RAD54B: variants seen among roughly 807,000 people sequenced by gnomAD.
RAD54B encodes RAD54 homolog B, also known as DNA repair and recombination protein RAD54B.
Under a neutral mutation model 95.8 loss-of-function variants are expected in RAD54B, and 78 were observed. That is an observed-to-expected ratio of 0.81 (90% CI 0.68 to 0.98). RAD54B has a LOEUF of 0.98. RAD54B is among the 50% of genes least tolerant of loss of function. RAD54B has a pLI of 0.00. For synonymous variants in RAD54B, 328 were observed against 354.9 expected (o/e 0.92, Z 0.85); for missense variants, 957 against 1,056.6 (o/e 0.91, Z 1.31).
rs1812826284 is a variant in RAD54B, at chr8:94,458,421, T to C, written c.151A>G (p.Asn51Asp). The part of the protein sequence containing the change: ...IKLFEGVAIN[N>D]TFLPSQNDLR... The stretch of plus-strand genomic sequence containing the variant: ...TCATTTTGTGACGGGAGAAAGGTGT[T>C]ATTAATTGCAACACCCTAAAAGAAA... The change falls in exon 3 of 15, where the codon AAC becomes GAC. Residue 51 changes from asparagine (N) to aspartate (D), a missense_variant. By Grantham distance (23) the Asn-to-Asp change is conservative. Coordinates refer to ENST00000336148, the MANE Select transcript of RAD54B (RefSeq NM_012415.3). The C allele has an allele frequency of 1.3e-6, 2 of 1,589,678 alleles. No homozygotes were observed. Among genetic ancestry groups the C allele is most frequent in the East Asian group, 2.3e-5 (1 of 44,064 alleles).
intron 11 of RAD54B, among the ~76,000 whole-genome samples, chr8:94,385,891 G>A (rs191201496): frequency 2.4e-4 from 36 of 152,312 alleles, no homozygotes; most frequent in African/African-American, 8.4e-4. Context: ...GGACCACATG[G>A]TATGTGTGAA....
chr8:94,427,122 TAACAGAGGTG>T (rs1194057999), intron 3 of RAD54B, among the ~76,000 whole-genome samples: 4 of 152,100 alleles, frequency 2.6e-5, no homozygotes, highest in African/African-American at 9.7e-5. Context: ...AAAAACTTTG[TAACAGAGGTG>T]AATTCACACA....
intron 1 of RAD54B, among the ~76,000 whole-genome samples, chr8:94,470,336 C>T (rs1302910848): frequency 2.6e-5 from 4 of 152,150 alleles, no homozygotes; most frequent in Admixed American, 6.5e-5. Flanking sequence ...CAGTGGCTCA[C>T]ACCTGTAATC....
intron 3 of RAD54B, among the ~76,000 whole-genome samples, chr8:94,433,338 G>A (rs1812165041): frequency 6.6e-6 from 1 of 151,864 alleles, no homozygotes; most frequent in Non-Finnish European, 1.5e-5. Flanking sequence ...CACTGGTCAG[G>A]TAAAGTTCAC....
intron 14 of RAD54B, among the ~76,000 whole-genome samples, chr8:94,375,701 CTG>C (rs1208480110): frequency 1.3e-5 from 2 of 152,180 alleles, no homozygotes; most frequent in South Asian, 2.1e-4. Context: ...TGAGGAAACT[CTG>C]TAACAATACG....
chr8:94,442,392 G>A (rs571508286), intron 3 of RAD54B, among the ~76,000 whole-genome samples: 2 of 152,184 alleles, frequency 1.3e-5, no homozygotes, highest in Admixed American at 1.3e-4. Context: ...CTAACATGGT[G>A]AAACCCCGTC....
intron 3 of RAD54B, among the ~76,000 whole-genome samples, chr8:94,437,325 T>C (rs1025825664): frequency 6.6e-6 from 1 of 152,202 alleles, no homozygotes; most frequent in African/African-American, 2.4e-5. Flanking sequence ...ACAAATCCAG[T>C]AGACAGAAAA....
intron 4 of RAD54B, among the ~76,000 whole-genome samples, chr8:94,408,410 T>G (rs1473083714): frequency 1.3e-5 from 2 of 152,158 alleles, no homozygotes; most frequent in African/African-American, 4.8e-5. Flanking sequence ...ACTTCCATGC[T>G]TGTCTATTAA....
At chr8:94,404,586 G>T (rs1811341090) in intron 5 of RAD54B, among the ~76,000 whole-genome samples, 1 of 152,160 alleles carries the variant, frequency 6.6e-6, no homozygotes, top group Admixed American at 6.5e-5. Context: ...CCAACTGAAA[G>T]TACAGGTTGG....
Position 94,372,054 on chromosome 8 carries a change from T to C in RAD54B, c.*116A>G, listed in dbSNP as rs1420896691. ...ATTTTGACTATTGTATCAAAAGTGATATATTTTGCAACATATACTGTAATT... is the reference window on the plus strand; with the variant it reads ...ATTTTGACTATTGTATCAAAAGTGACATATTTTGCAACATATACTGTAATT... On this transcript the variant is annotated 3_prime_UTR_variant, in exon 15 of 15. Coordinates refer to ENST00000336148, the MANE Select transcript of RAD54B (RefSeq NM_012415.3). The C allele has an allele frequency of 1.1e-5, 16 of 1,431,320 alleles. No homozygotes were observed. Among genetic ancestry groups the C allele is most frequent in the Non-Finnish European group, 1.5e-5 (16 of 1,093,836 alleles). The allele number at this position is 1,431,320 out of a possible 1,614,324, so 88.7% of individuals were successfully genotyped here. A position where few individuals can be genotyped will look rare whatever the true frequency, so the allele number is the denominator to read the frequency against.
intron 3 of RAD54B, among the ~76,000 whole-genome samples, chr8:94,451,433 C>T (rs898949785): frequency 6.6e-6 from 1 of 152,076 alleles, no homozygotes; most frequent in African/African-American, 2.4e-5. Context: ...AGAATGCCAA[C>T]TAATAAATAT....
intron 5 of RAD54B, among the ~76,000 whole-genome samples, chr8:94,405,137 T>A (rs749397684): frequency 1.4e-4 from 21 of 152,144 alleles, no homozygotes; most frequent in Non-Finnish European, 2.4e-4. Flanking sequence ...TAAAGCAGCA[T>A]GAAGTCATCA....
intron 11 of RAD54B, among the ~76,000 whole-genome samples, chr8:94,381,059 A>C (rs1330661812): frequency 6.6e-6 from 1 of 152,228 alleles, no homozygotes; most frequent in Non-Finnish European, 1.5e-5. Flanking sequence ...CAGGAGGCTG[A>C]AACAGGAAGA....
chr8:94,407,102 A>C (rs1026140822), intron 5 of RAD54B, among the ~76,000 whole-genome samples: 1 of 152,162 alleles, frequency 6.6e-6, no homozygotes, highest in Non-Finnish European at 1.5e-5. Flanking sequence ...AGATTAATAC[A>C]TTTACTAATT....
chr8:94,473,444 G>A (rs913767844), intron 1 of RAD54B, among the ~76,000 whole-genome samples: 4 of 152,190 alleles, frequency 2.6e-5, no homozygotes, highest in African/African-American at 7.2e-5. Flanking sequence ...ATGTGTCTCA[G>A]TTTCCTCATC....
At chr8:94,402,994 C>T (rs1811298222) in intron 6 of RAD54B, among the ~76,000 whole-genome samples, 1 of 152,052 alleles carries the variant, frequency 6.6e-6, no homozygotes, top group Non-Finnish European at 1.5e-5. Context: ...ATTCACAGAC[C>T]AACTGAGATA....
intron 3 of RAD54B, chr8:94,431,352 C>A (rs920189436): frequency 1.0e-6 from 1 of 984,306 alleles, no homozygotes; most frequent in Non-Finnish European, 1.2e-6. Context: ...TTTGCTGGAA[C>A]AAAAATAGAG....
At chr8:94,394,008 A>G in intron 8 of RAD54B, 126 bp from the exon 9 acceptor site, 2 of 870,026 alleles carry the variant, frequency 2.3e-6, no homozygotes, top group South Asian at 1.8e-5. Flanking sequence ...ATACAAGCAA[A>G]TTGCCTAAAA....
intron 3 of RAD54B, among the ~76,000 whole-genome samples, chr8:94,422,399 C>T (rs113281960): frequency 6.6e-6 from 1 of 150,634 alleles, no homozygotes; most frequent in South Asian, 2.1e-4. Context: ...CCAGCCTGGC[C>T]AACGTGGCGA....
Sources: allele counts gnomAD v4.1 joint callset (sites outside exome capture counted in the v4.1 genomes callset), GRCh38; gene constraint gnomAD v4.1.1; transcripts MANE v1.5; gene names NCBI Gene and HGNC (gene_info 2026-07-23, HGNC 2026-07-21).